Variants in SHANK2 observed in about 807,000 individuals in gnomAD.
The protein encoded by SHANK2 is SH3 and multiple ankyrin repeat domains 2.
Under a neutral mutation model 133.7 loss-of-function variants are expected in SHANK2, and 43 were observed. That is an observed-to-expected ratio of 0.32 (90% CI 0.25 to 0.41). The LOEUF (loss-of-function observed/expected upper bound fraction) is 0.41. Among genes scored for constraint, SHANK2 ranks in the 10% least tolerant of loss-of-function variants. The probability of loss-of-function intolerance (pLI) is 1.00; values close to 1 mark genes in which losing one functional copy is unlikely to be tolerated. For missense variants in SHANK2, 1,994 were observed against 2,235.8 expected, an observed-to-expected ratio of 0.89 and a Z score of 2.18; for synonymous variants, 1,017 against 952.8, an observed-to-expected ratio of 1.07 and a Z score of -1.24.
intron 14 of SHANK2, among the ~76,000 whole-genome samples, chr11:70,751,626 CT>C (rs1946750308): frequency 6.6e-6 from 1 of 152,152 alleles, no homozygotes; most frequent in African/African-American, 2.4e-5. Flanking sequence ...TACTTCACTT[CT>C]TACATTCTTG....
At chr11:71,083,770 G>A (rs1951335218) in intron 8 of SHANK2, among the ~76,000 whole-genome samples, 2 of 152,174 alleles carry the variant, frequency 1.3e-5, no homozygotes, top group Admixed American at 6.5e-5. Context: ...TTGCACGGTG[G>A]ATGTAAAAGT....
chr11:70,601,844 T>C (rs1244897832), intron 17 of SHANK2, among the ~76,000 whole-genome samples: 3 of 152,126 alleles, frequency 2.0e-5, no homozygotes, highest in Admixed American at 2.0e-4. Flanking sequence ...ATTAAGTACC[T>C]CCCAGATTGA....
intron 15 of SHANK2, among the ~76,000 whole-genome samples, chr11:70,686,108 A>T (rs1365295230): frequency 1.4e-5 from 2 of 142,560 alleles, no homozygotes; most frequent in East Asian, 4.3e-4. Context: ...TCCATCACCC[A>T]TCTACCCATC....
intron 17 of SHANK2, among the ~76,000 whole-genome samples, chr11:70,578,439 A>T (rs2060143902): frequency 6.6e-6 from 1 of 152,132 alleles, no homozygotes; most frequent in African/African-American, 2.4e-5. Flanking sequence ...TCTCAGGGGG[A>T]CAGGCGCATC....
chr11:70,784,580 T>C (rs1555046019), intron 14 of SHANK2, among the ~76,000 whole-genome samples: 1 of 151,958 alleles, frequency 6.6e-6, no homozygotes, highest in African/African-American at 2.4e-5. Context: ...GTGCTGGGAT[T>C]ACAGGCGTGA....
At chr11:70,732,840 T>C (rs1164912982) in intron 14 of SHANK2, among the ~76,000 whole-genome samples, 1 of 152,234 alleles carries the variant, frequency 6.6e-6, no homozygotes, top group Non-Finnish European at 1.5e-5. Context: ...CAGCTGCCAT[T>C]TCCCTGCAGG....
intron 14 of SHANK2, among the ~76,000 whole-genome samples, chr11:70,797,438 C>T (rs1947937903): frequency 6.6e-6 from 1 of 152,174 alleles, no homozygotes; most frequent in South Asian, 2.1e-4. Context: ...GAACTGAGTC[C>T]CCGTTGAAGC....
At chr11:71,224,890 A>G (rs1265748404) in intron 1 of SHANK2, 94 bp from the exon 2 acceptor site, 1 of 152,254 alleles carries the variant, frequency 6.6e-6, no homozygotes, top group African/African-American at 2.4e-5. Context: ...TTTCTGTGCT[A>G]AAAACCAGGG....
intron 17 of SHANK2, among the ~76,000 whole-genome samples, chr11:70,658,071 C>G (rs1342648416): frequency 2.6e-5 from 4 of 152,064 alleles, no homozygotes; most frequent in Non-Finnish European, 4.4e-5. Context: ...ATCTGCAGCC[C>G]TCTTTTATTA....
At chr11:71,209,382 G>T (rs1555118509) in intron 2 of SHANK2, among the ~76,000 whole-genome samples, 2 of 152,204 alleles carry the variant, frequency 1.3e-5, no homozygotes. Context: ...AAACCCACGT[G>T]CAGGGCTGAC....
At chr11:70,939,312 T>C (rs1950613679) in intron 10 of SHANK2, among the ~76,000 whole-genome samples, 1 of 151,844 alleles carries the variant, frequency 6.6e-6, no homozygotes, top group Admixed American at 6.6e-5. Context: ...CCATCTCTAT[T>C]AAAAATACAA....
In SHANK2 at chr11:71,188,794, C is replaced by T. The variant is rs1953728125; in HGVS notation, c.-13+35903G>A. Among the ~76,000 whole-genome samples the T allele has an allele frequency of 1.3e-5, 2 of 152,220 alleles. No homozygotes were observed. The highest frequency in any genetic ancestry group is 2.4e-5 in the African/African-American group (1 of 41,462). The stretch of plus-strand genomic sequence containing the variant: ...GCCTCACTGAGATAACTACGACCAC[C>T]TCCAAATGGAGCTAAGGCCTACGTG... On this transcript the variant is annotated intron_variant, in intron 2 of 25. Coordinates refer to ENST00000601538, the MANE Select transcript of SHANK2 (RefSeq NM_012309.5). This position sits in a 1 kb window ranked among gnomAD's most constrained non-coding sequence, Gnocchi z 4.6.
At chr11:71,094,773 G>A (rs1951578164) in intron 6 of SHANK2, 85 bp from the exon 7 acceptor site, 2 of 1,388,536 alleles carry the variant, frequency 1.4e-6, no homozygotes, top group Non-Finnish European at 2.0e-6. Context: ...AAACTAAGCT[G>A]AAAGAACTGA....
chr11:70,736,909 G>A (rs1316235289), intron 14 of SHANK2, among the ~76,000 whole-genome samples: 1 of 152,176 alleles, frequency 6.6e-6, no homozygotes, highest in Non-Finnish European at 1.5e-5. Flanking sequence ...ACGTGAAATG[G>A]GAACGGAATT....
intron 5 of SHANK2, among the ~76,000 whole-genome samples, chr11:71,111,963 A>G (rs1951897616): frequency 6.6e-6 from 1 of 152,218 alleles, no homozygotes; most frequent in East Asian, 1.9e-4. Context: ...CTTGTGCCAT[A>G]AAGTGGCTGG....
chr11:70,505,337 T>C (rs1273675132), intron 17 of SHANK2, among the ~76,000 whole-genome samples: 1 of 151,290 alleles, frequency 6.6e-6, no homozygotes, highest in African/African-American at 2.4e-5. Context: ...GAGTATGAGG[T>C]GCCAAACACA....
chr11:71,172,542 G>A (rs1373752429), intron 2 of SHANK2, among the ~76,000 whole-genome samples: 1 of 148,482 alleles, frequency 6.7e-6, no homozygotes, highest in African/African-American at 2.5e-5. Context: ...AGGTTGCAGT[G>A]AGCTGAGATC....
chr11:71,104,980 C>A (rs1253596398), intron 6 of SHANK2, among the ~76,000 whole-genome samples: 1 of 152,136 alleles, frequency 6.6e-6, no homozygotes, highest in African/African-American at 2.4e-5. Context: ...AAAAAAATGC[C>A]ACTGTGTATG....
chr11:70,922,881 C>A (rs1318110905), intron 10 of SHANK2, among the ~76,000 whole-genome samples: 1 of 151,882 alleles, frequency 6.6e-6, no homozygotes, highest in African/African-American at 2.4e-5. Flanking sequence ...AAACAAAATA[C>A]AACATCCCCT....
Sources: gnomAD v4.1 joint callset for allele counts (sites outside exome capture counted in the v4.1 genomes callset) on GRCh38, gnomAD v4.1.1 for gene constraint, Gnocchi (gnomAD v3.1) non-coding constraint, MANE v1.5 for transcripts, NCBI Gene and HGNC (gene_info 2026-07-23, HGNC 2026-07-21) for gene names.